INTS10: variants seen among roughly 807,000 people sequenced by gnomAD.
The protein encoded by INTS10 is integrator complex subunit 10.
Under a neutral mutation model 94.4 loss-of-function variants are expected in INTS10, and 44 were observed. The observed-to-expected ratio is 0.47, with a 90% CI of 0.37 to 0.60. INTS10 has a LOEUF of 0.60. Ranked by LOEUF, INTS10 falls within the 20% of genes least tolerant of loss-of-function variation. The probability of loss-of-function intolerance (pLI) is 0.00; values close to 1 mark genes in which losing one functional copy is unlikely to be tolerated. For missense variants in INTS10, 797 were observed against 868.7 expected, an observed-to-expected ratio of 0.92 and a Z score of 1.04; for synonymous variants, 341 against 320.7, an observed-to-expected ratio of 1.06 and a Z score of -0.68.
chr8:19,849,353 T>A lies in INTS10; in HGVS notation c.1977-2296T>A, dbSNP rs1232188472. ...TCTTTTTCATGCTTTCTTTCTTTTT[T>A]AATTTGTTCCGCATTTTGGCAAACC... On this transcript the variant is annotated intron_variant, in intron 16 of 16. Coordinates refer to ENST00000397977, the MANE Select transcript of INTS10 (RefSeq NM_018142.4). The surrounding 1 kb of genome is among the most constrained non-coding windows in gnomAD (Gnocchi z 4.6). 4 of 385,784 alleles carry A rather than the reference T, an allele frequency of 1.0e-5. No individual in the cohort carries two copies. The highest frequency in any genetic ancestry group is 7.1e-5 in the South Asian group (3 of 42,390). 23.9% of individuals were successfully genotyped at this position (385,784 alleles called of 1,614,324 possible). A position where few individuals can be genotyped will look rare whatever the true frequency, so the allele number is the denominator to read the frequency against.
chr8:19,822,389 G>T, intron 4 of INTS10, 50 bp from the exon 5 acceptor site: 2 of 1,130,044 alleles, frequency 1.8e-6, no homozygotes, highest in South Asian at 1.3e-5. Context: ...ATATAGTTCT[G>T]ACAACTTATG....
At chr8:19,823,540 TA>T in intron 6 of INTS10, 99 bp downstream of exon 6, 1 of 872,916 alleles carries the variant, frequency 1.1e-6, no homozygotes, top group Non-Finnish European at 1.8e-6. Context: ...TCTGGATACT[TA>T]CCAGTTTGGG....
intron 12 of INTS10, among the ~76,000 whole-genome samples, chr8:19,833,809 A>G (rs2067433683): frequency 6.6e-6 from 1 of 152,044 alleles, no homozygotes; most frequent in Non-Finnish European, 1.5e-5. Flanking sequence ...GGAGTTTAAG[A>G]CCATCCTGGC....
At chr8:19,818,506 C>G in intron 2 of INTS10, 164 bp downstream of exon 2, 2 of 633,072 alleles carry the variant, frequency 3.2e-6, no homozygotes, top group South Asian at 3.7e-5. Context: ...AAATTGCTGA[C>G]ATGGCTTTTG....
chr8:19,829,624 T>G (rs572669724), intron 9 of INTS10, among the ~76,000 whole-genome samples: 13 of 152,324 alleles, frequency 8.5e-5, no homozygotes, highest in African/African-American at 1.2e-4. Context: ...GAACCAAAGA[T>G]AACTAACAGT....
At chr8:19,821,635 T>A (rs2066382299) in intron 4 of INTS10, 1 of 152,112 alleles carries the variant, frequency 6.6e-6, no homozygotes, top group African/African-American at 2.4e-5. Context: ...GTCATTGGAT[T>A]GAGGGCCTTT....
intron 8 of INTS10, 36 bp downstream of exon 8, chr8:19,825,008 G>A (rs1167650334): frequency 1.3e-6 from 2 of 1,555,080 alleles, no homozygotes. Flanking sequence ...CAAAAAGCCA[G>A]TTCATACTGT....
At chr8:19,844,539 C>T (rs2068412023) in intron 15 of INTS10, among the ~76,000 whole-genome samples, 1 of 152,144 alleles carries the variant, frequency 6.6e-6, no homozygotes, top group African/African-American at 2.4e-5. Flanking sequence ...GTCCAGCTTG[C>T]CCGGTTTAGT....
intron 15 of INTS10, among the ~76,000 whole-genome samples, chr8:19,844,448 C>T (rs920122744): frequency 2.0e-5 from 3 of 152,170 alleles, no homozygotes; most frequent in African/African-American, 7.2e-5. Context: ...ATCTTACAAC[C>T]CTCTTCCATT....
At chr8:19,842,557 C>T (rs904403025) in intron 13 of INTS10, among the ~76,000 whole-genome samples, 1 of 152,146 alleles carries the variant, frequency 6.6e-6, no homozygotes, top group Non-Finnish European at 1.5e-5. Flanking sequence ...GTGGTGAGCA[C>T]ACCAGTGTTA....
chr8:19,843,980 A>T lies in INTS10; in HGVS notation c.1720-96A>T. 2 of 911,950 alleles carry T rather than the reference A, an allele frequency of 2.2e-6. No individual in the cohort carries two copies. The highest frequency in any genetic ancestry group is 2.4e-5 in the East Asian group (1 of 40,954). The allele number at this position is 911,950 out of a possible 1,614,324, so 56.5% of individuals were successfully genotyped here. A position where few individuals can be genotyped will look rare whatever the true frequency, so the allele number is the denominator to read the frequency against. ...CTAATGACGTTTATCACACATTTGCATATACAGCATATTTTTGGAAAGTGA... is the reference window on the plus strand; with the variant it reads ...CTAATGACGTTTATCACACATTTGCTTATACAGCATATTTTTGGAAAGTGA... On this transcript the variant is annotated intron_variant, in intron 14 of 16. Transcript: ENST00000397977. This position sits in a 1 kb window ranked among gnomAD's most constrained non-coding sequence, Gnocchi z 4.7.
At chr8:19,845,453 G>C (rs1297926685) in intron 15 of INTS10, 1 of 483,380 alleles carries the variant, frequency 2.1e-6, no homozygotes, top group African/African-American at 1.9e-5. Context: ...CTGTGCGAGG[G>C]AGTTTAGTGG....
intron 12 of INTS10, 119 bp downstream of exon 12, chr8:19,833,440 GATTT>G (rs1377891011): frequency 3.0e-6 from 2 of 676,940 alleles, no homozygotes; most frequent in South Asian, 5.3e-5. Flanking sequence ...TTTCTGCCTA[GATTT>G]ATTACTTAAT....
At chr8:19,836,423 C>T (rs1213430977) in intron 12 of INTS10, among the ~76,000 whole-genome samples, 1 of 152,202 alleles carries the variant, frequency 6.6e-6, no homozygotes, top group Non-Finnish European at 1.5e-5. Context: ...ACCAGCAGTG[C>T]ATCCGTCCAG....
intron 9 of INTS10, 147 bp downstream of exon 9, chr8:19,826,706 C>G: frequency 1.3e-6 from 1 of 763,690 alleles, no homozygotes; most frequent in South Asian, 1.9e-5. Context: ...GTCAGTGGTT[C>G]TCCACTGGAG....
rs747784650 is a variant in INTS10, at chr8:19,851,624, T to A, written c.1977-25T>A. 1.9e-6 allele frequency: 3 copies of A among 1,613,310 alleles called. No individual in the cohort carries two copies. The highest frequency in any genetic ancestry group is 1.7e-5 in the Admixed American group (1 of 60,014). On this transcript the variant is annotated intron_variant, in intron 16 of 16. Transcript: ENST00000397977. This position sits in a 1 kb window ranked among gnomAD's most constrained non-coding sequence, Gnocchi z 5.0. ...TGCTGGTGCTAACCCCTGGTCTTTG[T>A]CTGTTTCCCTATTGCTGACCTCAGG...
chr8:19,825,121 A>T (rs1463520519), intron 8 of INTS10, 149 bp downstream of exon 8: 4 of 669,248 alleles, frequency 6.0e-6, no homozygotes, highest in Non-Finnish European at 1.0e-5. Flanking sequence ...AGTTTTGTTT[A>T]GTTTGGCTTA....
At chr8:19,848,379 T>C (rs2068750088) in intron 16 of INTS10, among the ~76,000 whole-genome samples, 1 of 152,194 alleles carries the variant, frequency 6.6e-6, no homozygotes, top group Non-Finnish European at 1.5e-5. Context: ...GAGAAGCTCT[T>C]AATCTGTTAT....
chr8:19,842,695 G>A (rs900937848), intron 13 of INTS10, among the ~76,000 whole-genome samples, 153 bp from the exon 14 acceptor site: 5 of 152,172 alleles, frequency 3.3e-5, no homozygotes, highest in African/African-American at 9.7e-5. Context: ...CCATCACAAA[G>A]TATAATTGTG....
Sources: gnomAD v4.1 joint callset for allele counts (sites outside exome capture counted in the v4.1 genomes callset) on GRCh38, gnomAD v4.1.1 for gene constraint, Gnocchi (gnomAD v3.1) non-coding constraint, MANE v1.5 for transcripts, NCBI Gene and HGNC (gene_info 2026-07-23, HGNC 2026-07-21) for gene names.